The following FAM227B variants were observed in gnomAD, a reference collection of about 807,000 sequenced individuals.
The protein encoded by FAM227B is protein FAM227B.
In FAM227B, 88 loss-of-function variants were observed where a neutral mutation model predicts 73.8. The observed-to-expected ratio is 1.19, with a 90% CI of 1.00 to 1.42. The LOEUF (loss-of-function observed/expected upper bound fraction) is 1.42, where lower values mean the gene tolerates loss of function less well. Among genes scored for constraint, FAM227B ranks in the 40% most tolerant of loss-of-function variants. The probability of loss-of-function intolerance (pLI) is 0.00; values close to 1 mark genes in which losing one functional copy is unlikely to be tolerated. For synonymous variants in FAM227B, 210 were observed against 190.5 expected, an observed-to-expected ratio of 1.10 and a Z score of -0.84; for missense variants, 632 against 590.9, an observed-to-expected ratio of 1.07 and a Z score of -0.72.
intron 3 of FAM227B, among the ~76,000 whole-genome samples, chr15:49,604,725 A>G (rs1464832739): frequency 6.6e-6 from 1 of 151,516 alleles, no homozygotes; most frequent in African/African-American, 2.4e-5. Flanking sequence ...CATAGGCTTT[A>G]TTCACTATTT....
intron 10 of FAM227B, among the ~76,000 whole-genome samples, chr15:49,516,515 A>G (rs758573969): frequency 4.6e-5 from 7 of 152,002 alleles, no homozygotes; most frequent in Non-Finnish European, 2.9e-5. Flanking sequence ...AATTGCAGAT[A>G]GTTCAGTGAT....
intron 10 of FAM227B, among the ~76,000 whole-genome samples, chr15:49,517,461 C>A (rs1200596104): frequency 6.6e-6 from 1 of 151,880 alleles, no homozygotes; most frequent in African/African-American, 2.4e-5. Flanking sequence ...GCAAAATAGT[C>A]ACAAATAAAA....
At chr15:49,610,230 A>G (rs1325117257) in intron 3 of FAM227B, among the ~76,000 whole-genome samples, 3 of 151,984 alleles carry the variant, frequency 2.0e-5, no homozygotes, top group Non-Finnish European at 4.4e-5. Flanking sequence ...TAAAACTTAA[A>G]ACATTAAAAA....
intron 10 of FAM227B, among the ~76,000 whole-genome samples, chr15:49,540,594 A>G (rs1257930490): frequency 6.6e-6 from 1 of 152,184 alleles, no homozygotes; most frequent in Non-Finnish European, 1.5e-5. Flanking sequence ...GACACCAATC[A>G]TATTGGATTA....
chr15:49,469,320 T>C (rs1017560453), intron 11 of FAM227B, among the ~76,000 whole-genome samples: 2 of 152,172 alleles, frequency 1.3e-5, no homozygotes, highest in Non-Finnish European at 2.9e-5. Context: ...AAACTGCTGT[T>C]TATTCCAGGG....
intron 10 of FAM227B, among the ~76,000 whole-genome samples, chr15:49,515,744 G>A (rs892121397): frequency 6.6e-6 from 1 of 152,116 alleles, no homozygotes; most frequent in African/African-American, 2.4e-5. Context: ...TATTCCAGAA[G>A]TGTTTTGTTG....
intron 15 of FAM227B, chr15:49,328,897 T>C (rs888977239): frequency 8.0e-7 from 1 of 1,254,248 alleles, no homozygotes; most frequent in East Asian, 2.9e-5. Context: ...CTATCTCCAT[T>C]ACTTAATAGA....
intron 10 of FAM227B, among the ~76,000 whole-genome samples, chr15:49,525,204 T>C (rs1013185066): frequency 2.0e-5 from 3 of 152,120 alleles, no homozygotes; most frequent in East Asian, 1.9e-4. Context: ...AGGGACCCAG[T>C]GGGAGGTAAT....
chr15:49,336,900 G>A (rs1034579302), intron 13 of FAM227B, among the ~76,000 whole-genome samples: 6 of 152,066 alleles, frequency 3.9e-5, no homozygotes, highest in African/African-American at 7.2e-5. Context: ...TTGTTGACAC[G>A]TTTATGTCCA....
chr15:49,484,781 T>C (rs1264088783), intron 11 of FAM227B: 1 of 265,662 alleles, frequency 3.8e-6, no homozygotes, highest in African/African-American at 2.2e-5. Context: ...TTAGTAACAG[T>C]AATTTTTTTC....
At chr15:49,383,063 A>T (rs1455251250) in intron 11 of FAM227B, among the ~76,000 whole-genome samples, 1 of 152,088 alleles carries the variant, frequency 6.6e-6, no homozygotes, top group Non-Finnish European at 1.5e-5. Context: ...GAGGTGTTCC[A>T]TTCTTGTGTA....
chr15:49,611,910 T>A (rs1267541137), intron 2 of FAM227B, among the ~76,000 whole-genome samples: 2 of 152,096 alleles, frequency 1.3e-5, no homozygotes, highest in African/African-American at 4.8e-5. Flanking sequence ...TTACTTCAAA[T>A]AACAAATTAA....
intron 11 of FAM227B, among the ~76,000 whole-genome samples, chr15:49,421,191 T>C (rs1164886210): frequency 6.6e-6 from 1 of 152,208 alleles, no homozygotes; most frequent in Non-Finnish European, 1.5e-5. Flanking sequence ...CCATCTACAG[T>C]TGCCTAAAGT....
intron 11 of FAM227B, among the ~76,000 whole-genome samples, chr15:49,457,921 T>G (rs1413316271): frequency 6.6e-6 from 1 of 151,996 alleles, no homozygotes; most frequent in Non-Finnish European, 1.5e-5. Flanking sequence ...AACATTTAAT[T>G]AATGTTAGAA....
chr15:49,340,418 C>T (rs1009470772), intron 13 of FAM227B, among the ~76,000 whole-genome samples: 3 of 143,732 alleles, frequency 2.1e-5, no homozygotes, highest in African/African-American at 7.7e-5. Context: ...CCCCCTCCCC[C>T]CCCCGCTTTG....
rs1302079364 is a variant in FAM227B, at chr15:49,551,981, CT to C, written c.748-10176del. On this transcript the variant is annotated intron_variant, in intron 9 of 15. Coordinates refer to ENST00000299338, the MANE Select transcript of FAM227B (RefSeq NM_152647.3). ...AATTATAATTTTTGAGTGGTTCCTCCTTTATTTAGTCTTTCTACTTAGGATA... is the reference window on the plus strand; with the variant it reads ...AATTATAATTTTTGAGTGGTTCCTCCTTATTTAGTCTTTCTACTTAGGATA... Among the ~76,000 whole-genome samples, 7 of 152,116 alleles carry C rather than the reference CT, an allele frequency of 4.6e-5. No individual in the cohort carries two copies. The East Asian group carries it at 1.3e-3, about 29-fold the overall frequency.
chr15:49,452,832 C>T (rs2052893273), intron 11 of FAM227B, among the ~76,000 whole-genome samples: 1 of 152,118 alleles, frequency 6.6e-6, no homozygotes, highest in Non-Finnish European at 1.5e-5. Flanking sequence ...AAGCACTCAG[C>T]AAACGTTAGC....
chr15:49,587,180 G>A (rs2076217913), intron 5 of FAM227B, among the ~76,000 whole-genome samples: 1 of 152,156 alleles, frequency 6.6e-6, no homozygotes. Context: ...GTCCTTTGCA[G>A]GTATATGGAT....
At chr15:49,479,479 A>G (rs2055683079) in intron 11 of FAM227B, among the ~76,000 whole-genome samples, 1 of 152,150 alleles carries the variant, frequency 6.6e-6, no homozygotes, top group African/African-American at 2.4e-5. Flanking sequence ...AAGACCAAGT[A>G]TAATTAACTT....
Sources: allele counts gnomAD v4.1 joint callset (sites outside exome capture counted in the v4.1 genomes callset), GRCh38; gene constraint gnomAD v4.1.1; transcripts MANE v1.5; gene names NCBI Gene and HGNC (gene_info 2026-07-23, HGNC 2026-07-21).